The following ADARB2 variants were observed in gnomAD, a reference collection of about 807,000 sequenced individuals.
The protein encoded by ADARB2 is adenosine deaminase RNA specific B2 (inactive), also known as inactive double-stranded RNA-specific editase B2.
Under a neutral mutation model 62.2 loss-of-function variants are expected in ADARB2, and 25 were observed. The ratio of observed to expected loss-of-function variants is 0.40; its 90% CI spans 0.29 to 0.56. The LOEUF is 0.56. ADARB2 is among the 20% of genes least tolerant of loss of function. The pLI, the probability that ADARB2 is intolerant of heterozygous loss-of-function variation, is 0.43. For synonymous variants in ADARB2, 572 were observed against 500.8 expected, an observed-to-expected ratio of 1.14 and a Z score of -1.90; for missense variants, 1,071 against 1,077.4, an observed-to-expected ratio of 0.99 and a Z score of 0.08.
intron 1 of ADARB2, among the ~76,000 whole-genome samples, chr10:1,577,069 C>T (rs2676191): frequency 0.32 from 48,126 of 152,060 alleles, 7,812 homozygotes; most frequent in African/African-American, 0.36. Flanking sequence ...GCAGTTCTCA[C>T]GAAGGACCCT....
chr10:1,689,374 C>T (rs1257967585), intron 1 of ADARB2, among the ~76,000 whole-genome samples: 1 of 152,190 alleles, frequency 6.6e-6, no homozygotes, highest in African/African-American at 2.4e-5. Context: ...AGCTTATCTG[C>T]TTCCTCTGTT....
intron 4 of ADARB2, among the ~76,000 whole-genome samples, chr10:1,256,896 C>T (rs967654696): frequency 2.0e-5 from 3 of 152,178 alleles, no homozygotes; most frequent in African/African-American, 4.8e-5. Flanking sequence ...GATCGATGAA[C>T]GGTCTCTTCT....
At chr10:1,368,562 C>T (rs1425955172) in intron 2 of ADARB2, among the ~76,000 whole-genome samples, 7 of 152,104 alleles carry the variant, frequency 4.6e-5, no homozygotes, top group African/African-American at 1.2e-4. Flanking sequence ...GCTGGGGTTG[C>T]GTCTCCCTCC....
At chr10:1,233,239 T>A (rs956944943) in intron 6 of ADARB2, among the ~76,000 whole-genome samples, 4 of 152,146 alleles carry the variant, frequency 2.6e-5, no homozygotes, top group African/African-American at 9.7e-5. Flanking sequence ...GCAGTGGAAC[T>A]TTATAGTTCA....
rs796531353 is a variant in ADARB2, at chr10:1,177,458, A to G, written c.*5735T>C. 5.9e-5 allele frequency: 9 copies of G among 152,348 alleles called. No homozygotes were observed. The highest frequency in any genetic ancestry group is 1.9e-4 in the African/African-American group (8 of 41,578). 9.4% of individuals were successfully genotyped at this position (152,348 alleles called of 1,614,324 possible). On this transcript the variant is annotated 3_prime_UTR_variant, in exon 10 of 10. Transcript: ENST00000381312. Reference sequence around the variant, plus strand: ...GGATTTTTTTTTACAAATATTACAAATGTACATCCATTGATACAATATTGC... The same window carrying G: ...GGATTTTTTTTTACAAATATTACAAGTGTACATCCATTGATACAATATTGC...
At chr10:1,276,003 A>G (rs928878798) in intron 3 of ADARB2, among the ~76,000 whole-genome samples, 1 of 152,022 alleles carries the variant, frequency 6.6e-6, no homozygotes, top group South Asian at 2.1e-4. Context: ...ATGATTTATA[A>G]TCCTTTGGGT....
At chr10:1,591,654 T>TGC (rs1554774073) in intron 1 of ADARB2, among the ~76,000 whole-genome samples, 1 of 15,600 alleles carries the variant, frequency 6.4e-5, no homozygotes, top group Non-Finnish European at 1.5e-4. Context: ...CACAGAGGCG[T>TGC]GCACGCACAC....
chr10:1,467,398 C>T (rs1831266895), intron 1 of ADARB2, among the ~76,000 whole-genome samples: 1 of 152,186 alleles, frequency 6.6e-6, no homozygotes, highest in African/African-American at 2.4e-5. Context: ...TCATGCGAAA[C>T]CCTTCTCCCT....
At chr10:1,550,187 TG>T (rs1282285567) in intron 1 of ADARB2, among the ~76,000 whole-genome samples, 1 of 152,192 alleles carries the variant, frequency 6.6e-6, no homozygotes, top group East Asian at 1.9e-4. Flanking sequence ...CCCGGCCACC[TG>T]CTCCACTGTA....
intron 7 of ADARB2, among the ~76,000 whole-genome samples, chr10:1,204,334 C>G (rs1211069688): frequency 2.0e-5 from 3 of 152,210 alleles, no homozygotes; most frequent in Non-Finnish European, 4.4e-5. Flanking sequence ...AATGGAACGC[C>G]TGATATATGG....
At chr10:1,330,064 A>G (rs1291077467) in intron 3 of ADARB2, among the ~76,000 whole-genome samples, 2 of 149,122 alleles carry the variant, frequency 1.3e-5, no homozygotes, top group Non-Finnish European at 3.0e-5. Flanking sequence ...GGATATTTCT[A>G]TGACAGTAGG....
intron 1 of ADARB2, among the ~76,000 whole-genome samples, chr10:1,417,440 T>C (rs1439456489): frequency 6.6e-6 from 1 of 152,188 alleles, no homozygotes; most frequent in African/African-American, 2.4e-5. Context: ...ACTCTGCTAA[T>C]TGCCCTGCAT....
intron 1 of ADARB2, among the ~76,000 whole-genome samples, chr10:1,565,020 A>T (rs1378567721): frequency 2.0e-5 from 3 of 152,198 alleles, no homozygotes; most frequent in African/African-American, 7.2e-5. Context: ...GTGCAGCAGC[A>T]CCGGTGCCTT....
chr10:1,465,083 C>G (rs894190424), intron 1 of ADARB2, among the ~76,000 whole-genome samples: 1 of 152,298 alleles, frequency 6.6e-6, no homozygotes, highest in South Asian at 2.1e-4. Context: ...AAGGAGCTGC[C>G]GACAGTGAAA....
Position 1,183,349 on chromosome 10 carries a change from G to A in ADARB2, c.2064C>T (p.Ser688=), listed in dbSNP as rs776663345. The A allele has an allele frequency of 1.4e-5, 23 of 1,613,764 alleles. No individual in the cohort carries two copies. Among genetic ancestry groups the A allele is most frequent in the South Asian group, 8.8e-5 (8 of 91,084 alleles). ...LYGRLSTRTP[S]PGDTPSMYCE... is the part of the protein sequence containing the mutation. ...AGTACATGGAGGGCGTGTCTCCAGG[G>A]CTGGGTGTCCGTGTGCTCAGCTGCG... The change falls in exon 10 of 10, where the codon AGC becomes AGT. Residue 688 remains serine, a synonymous_variant. Transcript: ENST00000381312.
chr10:1,510,964 C>T (rs890572761), intron 1 of ADARB2, among the ~76,000 whole-genome samples: 1 of 152,310 alleles, frequency 6.6e-6, no homozygotes, highest in Non-Finnish European at 1.5e-5. Context: ...GTGATCCTAC[C>T]ACCTCAGCCT....
intron 1 of ADARB2, among the ~76,000 whole-genome samples, chr10:1,532,925 C>T (rs998748127): frequency 6.6e-6 from 1 of 152,098 alleles, no homozygotes; most frequent in Non-Finnish European, 1.5e-5. Context: ...GCCTCACCTG[C>T]GGGCATCCAG....
At chr10:1,656,354 G>A (rs1317248856) in intron 1 of ADARB2, among the ~76,000 whole-genome samples, 1 of 152,174 alleles carries the variant, frequency 6.6e-6, no homozygotes, top group Non-Finnish European at 1.5e-5. Flanking sequence ...CAGGGTCCAC[G>A]TGTAATTCTA....
rs557133841 is a variant in ADARB2 at position 1,514,406 on chromosome 10, G to T, written c.101-135246C>A. On this transcript the variant is annotated intron_variant, in intron 1 of 9. Transcript: ENST00000381312. ...CTTCTCAATTATTTGAACAATAAAT[G>T]AATTTTGAATTTTAATGTTTCTCAG... Among the ~76,000 whole-genome samples the T allele has an allele frequency of 3.3e-5, 5 of 151,558 alleles. No homozygotes were observed. In the South Asian group the frequency reaches 6.3e-4, roughly 19 times the overall value.
Sources: allele counts gnomAD v4.1 joint callset (sites outside exome capture counted in the v4.1 genomes callset), GRCh38; gene constraint gnomAD v4.1.1; transcripts MANE v1.5; gene names NCBI Gene and HGNC (gene_info 2026-07-23, HGNC 2026-07-21).